The following MACROD2 variants were observed in gnomAD, a reference collection of about 807,000 sequenced individuals.
MACROD2 encodes ADP-ribose glycohydrolase MACROD2.
Under a neutral mutation model 70.4 loss-of-function variants are expected in MACROD2, and 36 were observed. The ratio of observed to expected loss-of-function variants is 0.51; its 90% CI spans 0.39 to 0.68. The LOEUF (loss-of-function observed/expected upper bound fraction) is 0.68, where lower values mean the gene tolerates loss of function less well. Among genes scored for constraint, MACROD2 ranks in the 30% least tolerant of loss-of-function variants. The pLI, the probability that MACROD2 is intolerant of heterozygous loss-of-function variation, is 0.00. For synonymous variants in MACROD2, 172 were observed against 178.8 expected (o/e 0.96, Z 0.30); for missense variants, 496 against 538.4 (o/e 0.92, Z 0.78).
intron 15 of MACROD2, among the ~76,000 whole-genome samples, chr20:16,029,853 T>C (rs1360328692): frequency 6.6e-6 from 1 of 152,172 alleles, no homozygotes; most frequent in African/African-American, 2.4e-5. Context: ...TGACTAGAAC[T>C]AATTATCTCT....
chr20:14,047,411 C>T (rs1027139055), intron 2 of MACROD2, among the ~76,000 whole-genome samples: 24 of 145,176 alleles, frequency 1.7e-4, no homozygotes, highest in Non-Finnish European at 3.0e-4. Context: ...GCCGAGATTG[C>T]GCCACTGCAC....
chr20:15,006,345 T>C (rs2075037547), intron 5 of MACROD2, among the ~76,000 whole-genome samples: 1 of 151,924 alleles, frequency 6.6e-6, no homozygotes, highest in African/African-American at 2.4e-5. Context: ...GGTTATGGGG[T>C]TGGGGCAGGG....
At chr20:14,109,127 A>G (rs1428254813) in intron 3 of MACROD2, among the ~76,000 whole-genome samples, 2 of 152,090 alleles carry the variant, frequency 1.3e-5, no homozygotes, top group African/African-American at 4.8e-5. Flanking sequence ...TGGAAACTAT[A>G]CAAACACATG....
At chr20:14,970,140 C>T (rs892293556) in intron 5 of MACROD2, among the ~76,000 whole-genome samples, 1 of 152,118 alleles carries the variant, frequency 6.6e-6, no homozygotes, top group Non-Finnish European at 1.5e-5. Context: ...CACCTCTTCA[C>T]AGGGCAGCAG....
chr20:14,528,174 A>G (rs1391116094), intron 4 of MACROD2, among the ~76,000 whole-genome samples: 3 of 148,512 alleles, frequency 2.0e-5, no homozygotes, highest in African/African-American at 7.5e-5. Flanking sequence ...CAATGGCATG[A>G]TCTTGGCTCA....
chr20:15,873,985 T>C (rs1457040697), intron 9 of MACROD2, among the ~76,000 whole-genome samples: 2 of 152,142 alleles, frequency 1.3e-5, no homozygotes, highest in East Asian at 1.9e-4. Flanking sequence ...TACATAGGTA[T>C]ACATGTGCCA....
At chr20:14,334,766 T>C (rs1266004270) in intron 3 of MACROD2, among the ~76,000 whole-genome samples, 2 of 151,408 alleles carry the variant, frequency 1.3e-5, no homozygotes, top group African/African-American at 2.4e-5. Context: ...ATGGTAGTCT[T>C]CATTTGATTT....
chr20:14,297,888 AG>A (rs1262681107), intron 3 of MACROD2, among the ~76,000 whole-genome samples: 2 of 151,868 alleles, frequency 1.3e-5, no homozygotes, highest in African/African-American at 4.9e-5. Flanking sequence ...TTCAAAGGAC[AG>A]GCTGACTTTC....
chr20:15,547,389 T>C (rs1470170060), intron 8 of MACROD2, among the ~76,000 whole-genome samples: 2 of 152,212 alleles, frequency 1.3e-5, no homozygotes, highest in African/African-American at 4.8e-5. Context: ...TCTCATAATA[T>C]GCCTATCGCC....
intron 5 of MACROD2, among the ~76,000 whole-genome samples, chr20:15,030,666 CAGAT>C (rs60260667): frequency 3.3e-5 from 5 of 151,866 alleles, no homozygotes; most frequent in South Asian, 2.1e-4. Flanking sequence ...GATAGATAGA[CAGAT>C]AGATAGATAG....
rs150629579 is a variant in MACROD2, at chr20:14,492,786, G to A, written c.272-693G>A. On this transcript the variant is annotated intron_variant, in intron 3 of 17. Coordinates refer to ENST00000684519, the MANE Select transcript of MACROD2 (RefSeq NM_001351661.2). The stretch of plus-strand genomic sequence containing the variant: ...TGGTTATTATATTTGGATAAATTTA[G>A]GCATAAGGTTGTTTAATACTTCAGC... Among the ~76,000 whole-genome samples, 29 of 152,136 alleles carry A rather than the reference G, an allele frequency of 1.9e-4. No individual in the cohort carries two copies. In the East Asian group the frequency reaches 5.2e-3, roughly 27 times the overall value.
At chr20:14,524,486 C>A (rs982333779) in intron 4 of MACROD2, among the ~76,000 whole-genome samples, 1 of 152,040 alleles carries the variant, frequency 6.6e-6, no homozygotes, top group Non-Finnish European at 1.5e-5. Context: ...TCTAACTTAT[C>A]CTAATAAATT....
chr20:14,558,092 GA>G (rs1048332402), intron 4 of MACROD2, among the ~76,000 whole-genome samples: 1 of 151,084 alleles, frequency 6.6e-6, no homozygotes, highest in African/African-American at 2.4e-5. Context: ...TACGCTGAAT[GA>G]AAAAAAAGCT....
intron 6 of MACROD2, among the ~76,000 whole-genome samples, chr20:15,248,400 C>G (rs2077125196): frequency 6.6e-6 from 1 of 152,170 alleles, no homozygotes; most frequent in African/African-American, 2.4e-5. Context: ...TCCTACTTGG[C>G]TGTTTCTTCT....
At chr20:14,962,711 CTT>C (rs975648017) in intron 5 of MACROD2, among the ~76,000 whole-genome samples, 1 of 151,466 alleles carries the variant, frequency 6.6e-6, no homozygotes, top group African/African-American at 2.4e-5. Context: ...TTATTCTCTT[CTT>C]TTTTTTCTTT....
intron 7 of MACROD2, among the ~76,000 whole-genome samples, chr20:15,481,042 T>C (rs1446969839): frequency 6.6e-6 from 1 of 152,236 alleles, no homozygotes; most frequent in East Asian, 1.9e-4. Context: ...ATGGTTACAC[T>C]TTACTTTCTC....
intron 4 of MACROD2, among the ~76,000 whole-genome samples, chr20:14,589,789 C>A (rs529282411): frequency 3.8e-4 from 58 of 152,258 alleles, no homozygotes; most frequent in Admixed American, 7.8e-4. Context: ...AAAGTTCTAA[C>A]CCCAACCAGC....
At chr20:15,366,553 T>C (rs2045411580) in intron 6 of MACROD2, among the ~76,000 whole-genome samples, 1 of 152,134 alleles carries the variant, frequency 6.6e-6, no homozygotes, top group Non-Finnish European at 1.5e-5. Context: ...TGAGATCTAA[T>C]TTTTTGTTTT....
intron 7 of MACROD2, among the ~76,000 whole-genome samples, chr20:15,436,900 A>G (rs573394769): frequency 6.6e-6 from 1 of 152,286 alleles, no homozygotes; most frequent in African/African-American, 2.4e-5. Flanking sequence ...CTTGTTCCAT[A>G]TTCCAAATCT....
Sources: gnomAD v4.1 joint callset for allele counts (sites outside exome capture counted in the v4.1 genomes callset) on GRCh38, gnomAD v4.1.1 for gene constraint, MANE v1.5 for transcripts, NCBI Gene and HGNC (gene_info 2026-07-23, HGNC 2026-07-21) for gene names.